MAGI1: variants seen among roughly 807,000 people sequenced by gnomAD.
The protein encoded by MAGI1 is membrane associated guanylate kinase, WW and PDZ domain containing 1, also known as membrane-associated guanylate kinase, WW and PDZ domain-containing protein 1.
Under a neutral mutation model 139.9 loss-of-function variants are expected in MAGI1, and 58 were observed. The ratio of observed to expected loss-of-function variants is 0.41; its 90% CI spans 0.34 to 0.52. The LOEUF is 0.52. Among genes scored for constraint, MAGI1 ranks in the 20% least tolerant of loss-of-function variants. The pLI, the probability that MAGI1 is intolerant of heterozygous loss-of-function variation, is 0.12. For missense variants in MAGI1, 1,874 were observed against 1,901.6 expected, an observed-to-expected ratio of 0.99 and a Z score of 0.27; for synonymous variants, 812 against 737.9, an observed-to-expected ratio of 1.10 and a Z score of -1.63.
chr3:65,998,065 T>C (rs559067411), intron 1 of MAGI1, among the ~76,000 whole-genome samples: 81 of 148,046 alleles, frequency 5.5e-4, no homozygotes, highest in Non-Finnish European at 5.6e-4. Flanking sequence ...ATTGCGCCAT[T>C]GCACTCCAGC....
At chr3:65,476,789 G>T (rs901654497) in intron 4 of MAGI1, among the ~76,000 whole-genome samples, 1 of 147,846 alleles carries the variant, frequency 6.8e-6, no homozygotes, top group East Asian at 2.0e-4. Flanking sequence ...GAGATTTTTT[G>T]AAAGAAATGT....
intron 1 of MAGI1, among the ~76,000 whole-genome samples, chr3:65,674,864 G>A (rs556687632): frequency 5.2e-4 from 79 of 152,262 alleles, no homozygotes; most frequent in Non-Finnish European, 8.8e-4. Flanking sequence ...TCTCATCACT[G>A]CAGCCCAACA....
intron 8 of MAGI1, 121 bp from the exon 9 acceptor site, chr3:65,440,133 G>T: frequency 9.1e-7 from 1 of 1,095,110 alleles, no homozygotes; most frequent in Non-Finnish European, 1.3e-6. Context: ...GCTAACCCTC[G>T]TGTGTTAAAA....
intron 1 of MAGI1, among the ~76,000 whole-genome samples, chr3:65,888,463 G>A (rs193013471): frequency 6.6e-5 from 10 of 152,246 alleles, no homozygotes; most frequent in East Asian, 1.9e-4. Flanking sequence ...ATGAGGCTAC[G>A]TTAAGAAGAA....
intron 2 of MAGI1, among the ~76,000 whole-genome samples, chr3:65,586,594 G>A (rs956174974): frequency 1.3e-5 from 2 of 151,980 alleles, no homozygotes; most frequent in African/African-American, 4.8e-5. Context: ...TTGAATGACA[G>A]AAATTAAACA....
Position 65,685,531 on chromosome 3 carries a change from A to C in MAGI1, c.314-63443T>G, listed in dbSNP as rs1170572562. Among the ~76,000 whole-genome samples, 4 of 152,232 alleles carry C rather than the reference A, an allele frequency of 2.6e-5. 1 individual carries two copies. The South Asian group carries it at 6.2e-4, about 24-fold the overall frequency. The stretch of plus-strand genomic sequence containing the variant: ...CCATCTCATATATATTTTGTATTAC[A>C]CACAATGTCAAAGAACGTAGCTTGT... On this transcript the variant is annotated intron_variant, in intron 1 of 22. Transcript: ENST00000402939.
chr3:65,538,942 C>T (rs1559650247), intron 2 of MAGI1, among the ~76,000 whole-genome samples: 1 of 151,458 alleles, frequency 6.6e-6, no homozygotes, highest in Admixed American at 6.6e-5. Context: ...CCGTCAACCA[C>T]AAACATGTAC....
At chr3:65,429,075 T>C (rs1256956015) in intron 12 of MAGI1, among the ~76,000 whole-genome samples, 1 of 152,168 alleles carries the variant, frequency 6.6e-6, no homozygotes, top group African/African-American at 2.4e-5. Context: ...TTGCAGGCTA[T>C]GCAGGCCAAG....
chr3:65,746,193 G>A (rs555578547), intron 1 of MAGI1, among the ~76,000 whole-genome samples: 24 of 151,838 alleles, frequency 1.6e-4, no homozygotes, highest in African/African-American at 4.6e-4. Context: ...CTGCCACCAC[G>A]CCTGGCTAAT....
chr3:65,676,370 A>T (rs1430744332), intron 1 of MAGI1, among the ~76,000 whole-genome samples: 3 of 152,226 alleles, frequency 2.0e-5, no homozygotes, highest in Non-Finnish European at 4.4e-5. Context: ...TAGAGCAAAT[A>T]ATCATGACTG....
chr3:65,526,412 C>T (rs1174798765), intron 2 of MAGI1, among the ~76,000 whole-genome samples: 1 of 152,180 alleles, frequency 6.6e-6, no homozygotes, highest in Non-Finnish European at 1.5e-5. Flanking sequence ...GTAAAAGCTC[C>T]AGCTCTTACT....
At chr3:65,744,050 G>T (rs1293179431) in intron 1 of MAGI1, among the ~76,000 whole-genome samples, 1 of 152,050 alleles carries the variant, frequency 6.6e-6, no homozygotes, top group African/African-American at 2.4e-5. Context: ...TCTTGGGAAT[G>T]AAAATTTCAA....
intron 1 of MAGI1, among the ~76,000 whole-genome samples, chr3:65,698,942 CTACAAAATGGGAGAAAAT>C (rs2089403983): frequency 7.5e-6 from 1 of 133,472 alleles, no homozygotes; most frequent in Non-Finnish European, 1.6e-5. Context: ...AACAGGCAAC[CTACAAAATGGGAGAAAAT>C]TTTCGCAACC....
chr3:65,736,899 T>A (rs936014683), intron 1 of MAGI1, among the ~76,000 whole-genome samples: 3 of 152,082 alleles, frequency 2.0e-5, no homozygotes, highest in Non-Finnish European at 4.4e-5. Context: ...AAATTAACCA[T>A]CTCACTATTA....
At chr3:65,622,212 G>C (rs1449515748) in intron 1 of MAGI1, 124 bp from the exon 2 acceptor site, 4 of 733,152 alleles carry the variant, frequency 5.5e-6, no homozygotes, top group Non-Finnish European at 9.8e-6. Flanking sequence ...CTAGTCATTA[G>C]GAGGATGTAC....
intron 2 of MAGI1, among the ~76,000 whole-genome samples, chr3:65,517,247 T>G (rs2077946569): frequency 6.6e-6 from 1 of 152,174 alleles, no homozygotes; most frequent in South Asian, 2.1e-4. Context: ...TTGGCCACTC[T>G]TTCTCAAGAC....
chr3:65,672,634 G>A (rs1253198077), intron 1 of MAGI1, among the ~76,000 whole-genome samples: 1 of 152,188 alleles, frequency 6.6e-6, no homozygotes, highest in Non-Finnish European at 1.5e-5. Context: ...GCACGGAGAA[G>A]AAGGAGAAAA....
At chr3:65,504,509 T>C (rs543208378) in intron 2 of MAGI1, among the ~76,000 whole-genome samples, 34 of 152,298 alleles carry the variant, frequency 2.2e-4, no homozygotes, top group South Asian at 1.9e-3. Context: ...GAAACCAGGT[T>C]TTTGTTACTA....
chr3:65,737,655 A>C (rs10866074), intron 1 of MAGI1, among the ~76,000 whole-genome samples: 80,334 of 152,024 alleles, frequency 0.53, 22,644 homozygotes, highest in South Asian at 0.69. Context: ...CAAGAGGCAG[A>C]AAATAAAGAT....
Sources: allele counts gnomAD v4.1 joint callset (sites outside exome capture counted in the v4.1 genomes callset), GRCh38; gene constraint gnomAD v4.1.1; transcripts MANE v1.5; gene names NCBI Gene and HGNC (gene_info 2026-07-23, HGNC 2026-07-21).